ACVR2A: variants seen among roughly 807,000 people sequenced by gnomAD.
ACVR2A encodes activin A receptor type 2A, also known as activin receptor type-2A.
A neutral mutation model predicts 61.4 loss-of-function variants in ACVR2A; 7 were observed. That is an observed-to-expected ratio of 0.11 (90% CI 0.06 to 0.21). The LOEUF is 0.21. Among genes scored for constraint, ACVR2A ranks in the 10% least tolerant of loss-of-function variants. The pLI, the probability that ACVR2A is intolerant of heterozygous loss-of-function variation, is 1.00. For missense variants in ACVR2A, 322 were observed against 621.7 expected, an observed-to-expected ratio of 0.52 and a Z score of 5.13; for synonymous variants, 193 against 208.3, an observed-to-expected ratio of 0.93 and a Z score of 0.63.
At chr2:147,906,174 G>T (rs907637077) in intron 4 of ACVR2A, among the ~76,000 whole-genome samples, 3 of 151,944 alleles carry the variant, frequency 2.0e-5, no homozygotes, top group Non-Finnish European at 4.4e-5. Flanking sequence ...TTACTTCATT[G>T]CTGTCAAATC....
At chr2:147,907,348 A>G (rs1687011808) in intron 4 of ACVR2A, among the ~76,000 whole-genome samples, 1 of 152,174 alleles carries the variant, frequency 6.6e-6, no homozygotes, top group African/African-American at 2.4e-5. Context: ...TCCTTTGGGT[A>G]TATACCCAGT....
chr2:147,916,249 A>C (rs539381611), intron 5 of ACVR2A, among the ~76,000 whole-genome samples: 7 of 151,902 alleles, frequency 4.6e-5, no homozygotes, highest in Admixed American at 3.3e-4. Flanking sequence ...TTCAGAGAGA[A>C]AGTGTATTCT....
chr2:147,900,161 T>C (rs982955981), intron 4 of ACVR2A, among the ~76,000 whole-genome samples: 9 of 152,098 alleles, frequency 5.9e-5, no homozygotes, highest in African/African-American at 1.9e-4. Flanking sequence ...TTTACTCTCA[T>C]GCTAACACTA....
chr2:147,866,528 G>A (rs937952115), intron 1 of ACVR2A, among the ~76,000 whole-genome samples: 1 of 152,144 alleles, frequency 6.6e-6, no homozygotes, highest in Admixed American at 6.6e-5. Flanking sequence ...ACAGGCACAT[G>A]AATAATTGTT....
chr2:147,883,026 T>C (rs1686346081), intron 1 of ACVR2A, among the ~76,000 whole-genome samples: 1 of 152,228 alleles, frequency 6.6e-6, no homozygotes, highest in Non-Finnish European at 1.5e-5. Context: ...TGGGACAGTG[T>C]GGACTTTATG....
chr2:147,859,348 A>T (rs1166704614), intron 1 of ACVR2A, among the ~76,000 whole-genome samples: 1 of 152,066 alleles, frequency 6.6e-6, no homozygotes, highest in Non-Finnish European at 1.5e-5. Context: ...TAACAAAACT[A>T]AAAAGAGCTT....
chr2:147,878,564 G>T (rs145740893), intron 1 of ACVR2A, among the ~76,000 whole-genome samples: 512 of 152,178 alleles, frequency 3.4e-3, no homozygotes, highest in East Asian at 8.3e-3. Flanking sequence ...GGGGAAGACT[G>T]CCCTTGTTTT....
At position 147,918,597 on chromosome 2, in the gene ACVR2A, A is replaced by C. The variant is rs1336924952; in HGVS notation, c.962+5A>C. On this transcript the variant is annotated splice_donor_5th_base_variant and intron_variant, in intron 7 of 10. Transcript: ENST00000241416. ...CAAACCTGCCATATCTCACAGGTAG[A>C]CTAAATTTATATTGTTTTCCCAGAT... 3 of 1,593,670 alleles carry C rather than the reference A, an allele frequency of 1.9e-6. No homozygotes were observed. The highest frequency in any genetic ancestry group is 2.6e-6 in the Non-Finnish European group (3 of 1,172,898).
intron 1 of ACVR2A, among the ~76,000 whole-genome samples, chr2:147,872,939 G>C (rs536025170): frequency 9.9e-5 from 15 of 152,026 alleles, no homozygotes; most frequent in African/African-American, 3.6e-4. Flanking sequence ...AGGCAAGAAG[G>C]TGGTTTATGT....
intron 4 of ACVR2A, among the ~76,000 whole-genome samples, chr2:147,911,898 T>C (rs1030386910): frequency 6.6e-6 from 1 of 152,082 alleles, no homozygotes; most frequent in Non-Finnish European, 1.5e-5. Context: ...TGTCATTAGC[T>C]TAAATGTCAG....
At chr2:147,889,600 A>G (rs1207307948) in intron 1 of ACVR2A, among the ~76,000 whole-genome samples, 1 of 151,940 alleles carries the variant, frequency 6.6e-6, no homozygotes. Flanking sequence ...AAAAAAAATT[A>G]GCCAAGCTTG....
Position 147,910,816 on chromosome 2 carries a change from T to A in ACVR2A, c.529-4375T>A, listed in dbSNP as rs980859251. On this transcript the variant is annotated intron_variant, in intron 4 of 10. Transcript: ENST00000241416. ...ACTTGTTCCCAGGGCCACCTCTGCT[T>A]AACTGCTTCACCTTGATGTGCTGGG... is the stretch of plus-strand genomic sequence containing the variant. 2.6e-5 allele frequency among the ~76,000 whole-genome samples: 4 copies of A among 152,182 alleles called. No homozygotes were observed. In the East Asian group the frequency reaches 7.7e-4, roughly 29 times the overall value.
intron 1 of ACVR2A, among the ~76,000 whole-genome samples, chr2:147,872,570 G>A (rs1686048757): frequency 6.7e-6 from 1 of 149,212 alleles, no homozygotes; most frequent in South Asian, 2.2e-4. Flanking sequence ...TGACATACAG[G>A]CTACTAGATG....
chr2:147,926,956 A>G, intron 10 of ACVR2A, 124 bp from the exon 11 acceptor site: 1 of 901,264 alleles, frequency 1.1e-6, no homozygotes, highest in Non-Finnish European at 1.7e-6. Flanking sequence ...AGTCAATAAA[A>G]GTGAATGTTG....
intron 4 of ACVR2A, among the ~76,000 whole-genome samples, chr2:147,905,452 T>C (rs1183369242): frequency 6.6e-6 from 1 of 152,034 alleles, no homozygotes; most frequent in Non-Finnish European, 1.5e-5. Flanking sequence ...TTGTATTAGG[T>C]TTCTGCAAAG....
At chr2:147,867,731 CCTTA>C (rs1455281268) in intron 1 of ACVR2A, among the ~76,000 whole-genome samples, 16 of 152,196 alleles carry the variant, frequency 1.1e-4, no homozygotes, top group African/African-American at 2.6e-4. Flanking sequence ...TCTTAAAACC[CCTTA>C]CTTCTTGTCA....
chr2:147,861,220 A>C lies in ACVR2A; in HGVS notation c.55+16013A>C, dbSNP rs544493678. 3.9e-5 allele frequency among the ~76,000 whole-genome samples: 6 copies of C among 152,356 alleles called. No homozygotes were observed. In the South Asian group the frequency reaches 1.0e-3, roughly 26 times the overall value. ...TATTTATTGAATACGAACAAGTTAT[A>C]ATGTAGTGAATGTATTCACAATATT... On this transcript the variant is annotated intron_variant, in intron 1 of 10. Coordinates refer to ENST00000241416, the MANE Select transcript of ACVR2A (RefSeq NM_001616.5).
intron 6 of ACVR2A, 22 bp downstream of exon 6, chr2:147,917,448 C>A: frequency 6.2e-7 from 1 of 1,608,760 alleles, no homozygotes; most frequent in African/African-American, 1.3e-5. Context: ...TAACGTTTTA[C>A]TTTAGTAAAG....
intron 1 of ACVR2A, among the ~76,000 whole-genome samples, chr2:147,873,517 C>A: frequency 6.6e-6 from 1 of 151,844 alleles, no homozygotes; most frequent in East Asian, 1.9e-4. Context: ...CTGTATTGGA[C>A]AGCTAAAGTC....
Sources: gnomAD v4.1 joint callset for allele counts (sites outside exome capture counted in the v4.1 genomes callset) on GRCh38, gnomAD v4.1.1 for gene constraint, MANE v1.5 for transcripts, NCBI Gene and HGNC (gene_info 2026-07-23, HGNC 2026-07-21) for gene names.